Variants in SPON2 observed in about 807,000 individuals in gnomAD.
SPON2 encodes the protein spondin-2.
In SPON2, 32 loss-of-function variants were observed where a neutral mutation model predicts 29.9. The observed-to-expected ratio is 1.07, with a 90% CI of 0.81 to 1.44. The LOEUF (loss-of-function observed/expected upper bound fraction) is 1.44, where lower values mean the gene tolerates loss of function less well. SPON2 is among the 40% of genes most tolerant of loss of function. SPON2 has a pLI of 0.00. For missense variants in SPON2, 541 were observed against 455.5 expected, an observed-to-expected ratio of 1.19 and a Z score of -1.71; for synonymous variants, 248 against 209.1, an observed-to-expected ratio of 1.19 and a Z score of -1.61.
chr4:1,206,599 C>A (rs368181925), intron 1 of SPON2, among the ~76,000 whole-genome samples: 1 of 152,118 alleles, frequency 6.6e-6, no homozygotes, highest in Non-Finnish European at 1.5e-5. Context: ...CCTCAGGGAA[C>A]GGGGACCCAG....
intron 1 of SPON2, among the ~76,000 whole-genome samples, chr4:1,182,837 C>T (rs769564752): frequency 5.3e-5 from 8 of 152,020 alleles, no homozygotes; most frequent in Non-Finnish European, 1.0e-4. Context: ...AGGAATTACT[C>T]ATCACATACA....
rs757626612 is a variant in SPON2 at position 1,167,455 on chromosome 4, G to A, written c.*17C>T. 10 of 1,606,704 alleles carry A rather than the reference G, an allele frequency of 6.2e-6. No individual in the cohort carries two copies. Reference sequence around the variant, plus strand: ...CCCATGGCTCCGGGGGGCCCCAGGGGCTGCGGGGCTCTGGTCTTAGACGCA... The same window carrying A: ...CCCATGGCTCCGGGGGGCCCCAGGGACTGCGGGGCTCTGGTCTTAGACGCA... On this transcript the variant is annotated 3_prime_UTR_variant, in exon 6 of 6. Transcript: ENST00000290902.
chr4:1,174,486 C>CAAAAAAAAAAAAACA (rs1727549491), upstream of SPON2, among the ~76,000 whole-genome samples: 1 of 94,294 alleles, frequency 1.1e-5, no homozygotes, highest in Non-Finnish European at 2.2e-5. Context: ...GACTCCATCT[C>CAAAAAAAAAAAAACA]AAAAAAAAAA....
intron 1 of SPON2, among the ~76,000 whole-genome samples, chr4:1,204,258 A>G (rs1050354209): frequency 1.3e-5 from 2 of 152,068 alleles, no homozygotes; most frequent in African/African-American, 4.8e-5. Context: ...GTTTTTCACT[A>G]CCTTACCCTG....
intron 1 of SPON2, chr4:1,200,749 C>T (rs1455704637): frequency 4.4e-5 from 20 of 450,358 alleles, no homozygotes; most frequent in Non-Finnish European, 7.6e-5. Flanking sequence ...AGGGGAGCAG[C>T]GAGGAGAGGG....
intron 1 of SPON2, chr4:1,194,845 GCAGCCAGCAGAGGCCTCACC>G (rs1728007484): frequency 3.5e-5 from 5 of 142,160 alleles, no homozygotes; most frequent in African/African-American, 1.4e-4. Flanking sequence ...TTCCAACCCC[GCAGCCAGCAGAGGCCTCACC>G]CCACAGCCGG....
chr4:1,185,582 C>G (rs1727777006), intron 1 of SPON2, among the ~76,000 whole-genome samples: 1 of 151,378 alleles, frequency 6.6e-6, no homozygotes, highest in Non-Finnish European at 1.5e-5. Context: ...GTAGCACATG[C>G]CTGTAATCCC....
At chr4:1,185,973 G>A (rs7659260) in intron 1 of SPON2, among the ~76,000 whole-genome samples, 187 of 151,112 alleles carry the variant, frequency 1.2e-3, no homozygotes, top group East Asian at 3.6e-3. Flanking sequence ...GGCCGGGCGT[G>A]GTGGCTCACG....
upstream of SPON2, chr4:1,208,481 A>T (rs1272042582): frequency 6.6e-6 from 1 of 152,216 alleles, no homozygotes; most frequent in Non-Finnish European, 1.5e-5. Context: ...GTTCATCAGC[A>T]GCCGCAGGAG....
chr4:1,172,386 G>A, intron 1 of SPON2, 158 bp downstream of exon 1: 2 of 493,150 alleles, frequency 4.1e-6, no homozygotes, highest in East Asian at 7.7e-5. Context: ...AGGGACCCGG[G>A]GCCTTGGCCG....
At chr4:1,176,755 T>C (rs577669627), upstream of SPON2, among the ~76,000 whole-genome samples, 1 of 151,770 alleles carries the variant, frequency 6.6e-6, no homozygotes, top group Admixed American at 6.5e-5. Flanking sequence ...ATGCACTAAT[T>C]CACTCACACA....
chr4:1,206,691 C>T (rs1728350248), intron 1 of SPON2, among the ~76,000 whole-genome samples: 1 of 152,156 alleles, frequency 6.6e-6, no homozygotes, highest in Admixed American at 6.5e-5. Flanking sequence ...GGGCCTGAGG[C>T]TCATGGTAGG....
chr4:1,208,310 G>A (rs1193758218), upstream of SPON2: 1 of 152,264 alleles, frequency 6.6e-6, no homozygotes, highest in Non-Finnish European at 1.5e-5. Flanking sequence ...CCTGGGGTGG[G>A]GCCCCGAAGA....
At chr4:1,185,708 C>A (rs202158293) in intron 1 of SPON2, among the ~76,000 whole-genome samples, 33 of 69,666 alleles carry the variant, frequency 4.7e-4, no homozygotes, top group South Asian at 9.9e-4. Context: ...ACTCCATCTC[C>A]AAAAAAAAAA....
At position 1,202,526 on chromosome 4, in the gene SPON2, C is replaced by A. The variant is rs1728237978; in HGVS notation, c.-234+5354G>T. Among the ~76,000 whole-genome samples the A allele has an allele frequency of 6.6e-6, 1 of 152,200 alleles. No homozygotes were observed. Among genetic ancestry groups the A allele is most frequent in the Admixed American group, 6.5e-5 (1 of 15,292 alleles). On this transcript the variant is annotated intron_variant, in intron 1 of 3. Transcript: ENST00000509233. This position sits in a 1 kb window ranked among gnomAD's most constrained non-coding sequence, Gnocchi z 5.4. ...GGGATGATCTTGGACTCCCTGCCCA[C>A]CTTCCAGACACATGGGGGCAGGGCT...
intron 1 of SPON2, among the ~76,000 whole-genome samples, chr4:1,190,839 A>G (rs1472309186): frequency 6.6e-6 from 1 of 152,250 alleles, no homozygotes; most frequent in East Asian, 1.9e-4. Context: ...GAAATTAAGA[A>G]AACGATTCCA....
At chr4:1,195,615 T>C (rs1728049982), upstream of SPON2, among the ~76,000 whole-genome samples, 1 of 152,098 alleles carries the variant, frequency 6.6e-6, no homozygotes, top group African/African-American at 2.4e-5. Context: ...GAGGGTGGGC[T>C]CTGTGCAAAA....
At chr4:1,171,794 G>C (rs895044347) in intron 2 of SPON2, 58 bp downstream of exon 2, 2 of 1,167,038 alleles carry the variant, frequency 1.7e-6, no homozygotes, top group Non-Finnish European at 2.6e-6. Context: ...CTGTGCGGGG[G>C]GCTCCGGCGC....
upstream of SPON2, among the ~76,000 whole-genome samples, chr4:1,175,946 G>A: frequency 6.6e-6 from 1 of 152,120 alleles, no homozygotes; most frequent in Non-Finnish European, 1.5e-5. Context: ...GGTAGTGGGA[G>A]GCCCCTCCAA....
Sources: allele counts gnomAD v4.1 joint callset (sites outside exome capture counted in the v4.1 genomes callset), GRCh38; gene constraint gnomAD v4.1.1; non-coding constraint Gnocchi (gnomAD v3.1); transcripts MANE v1.5; gene names NCBI Gene and HGNC (gene_info 2026-07-23, HGNC 2026-07-21).